The following NDRG2 variants were observed in gnomAD, a reference collection of about 807,000 sequenced individuals.
NDRG2 encodes protein NDRG2.
Under a neutral mutation model 58.2 loss-of-function variants are expected in NDRG2, and 34 were observed. The ratio of observed to expected loss-of-function variants is 0.58; its 90% CI spans 0.44 to 0.78. The LOEUF (loss-of-function observed/expected upper bound fraction) is 0.78. NDRG2 is among the 30% of genes least tolerant of loss of function. The pLI is 0.00. For missense variants in NDRG2, 434 were observed against 471.2 expected (o/e 0.92, Z 0.73); for synonymous variants, 187 against 175.9 (o/e 1.06, Z -0.50).
At chr14:21,021,092 A>C (rs1594401824) in intron 6 of NDRG2, 1 of 636,328 alleles carries the variant, frequency 1.6e-6, no homozygotes, top group Non-Finnish European at 2.9e-6. Flanking sequence ...AAAAACAAAC[A>C]CCCATCCACC....
chr14:21,053,453 C>G (rs1053502717), intron 1 of NDRG2, among the ~76,000 whole-genome samples: 1 of 152,046 alleles, frequency 6.6e-6, no homozygotes, highest in Non-Finnish European at 1.5e-5. Context: ...TGGTGAAACC[C>G]CAGCTCTACT....
chr14:21,046,234 T>C (rs79978002), intron 1 of NDRG2, among the ~76,000 whole-genome samples: 2,608 of 152,274 alleles, frequency 0.017, 65 homozygotes, highest in African/African-American at 0.057. Flanking sequence ...TGTAAATACA[T>C]TGGGCTCAGC....
chr14:21,023,557 A>G, intron 1 of NDRG2: 1 of 524,270 alleles, frequency 1.9e-6, no homozygotes, highest in East Asian at 3.2e-5. Flanking sequence ...CACCATCCCC[A>G]CTGCCACCCT....
chr14:21,067,485 T>C (rs1886331071), intron 1 of NDRG2, among the ~76,000 whole-genome samples: 1 of 152,190 alleles, frequency 6.6e-6, no homozygotes, highest in African/African-American at 2.4e-5. Flanking sequence ...GCCTCTGGCG[T>C]CAGACAGCCT....
In NDRG2 at chr14:21,070,143, G is replaced by A. The variant is rs1192404123; in HGVS notation, c.24+685C>T. On this transcript the variant is annotated intron_variant, in intron 1 of 14. Coordinates refer to the NDRG2 transcript ENST00000403829. This position sits in a 1 kb window ranked among gnomAD's most constrained non-coding sequence, Gnocchi z 4.7. ...CGGGGAACGGCAGAGATCTCGGCGC[G>A]GGAGACAGAGTCCCGGCAAGGGGTC... 3 of 218,454 alleles carry A rather than the reference G, an allele frequency of 1.4e-5. No homozygotes were observed. The highest frequency in any genetic ancestry group is 2.7e-5 in the Non-Finnish European group (3 of 112,866). 13.5% of individuals were successfully genotyped at this position (218,454 alleles called of 1,614,324 possible).
chr14:21,047,519 T>C (rs1354703709), intron 1 of NDRG2, among the ~76,000 whole-genome samples: 1 of 152,194 alleles, frequency 6.6e-6, no homozygotes, highest in Non-Finnish European at 1.5e-5. Context: ...AAAGCTGAGA[T>C]ACAAGAAGAT....
intron 1 of NDRG2, chr14:21,057,990 C>T (rs1885756738): frequency 1.9e-6 from 3 of 1,614,104 alleles, no homozygotes; most frequent in Non-Finnish European, 8.5e-7. Flanking sequence ...AAGGACATGA[C>T]ATCATCTCAG....
chr14:21,040,155 G>A (rs116477301), intron 1 of NDRG2, among the ~76,000 whole-genome samples: 85 of 152,286 alleles, frequency 5.6e-4, no homozygotes, highest in African/African-American at 1.9e-3. Flanking sequence ...AGTTCAGCCT[G>A]CAAAGTTTGG....
chr14:21,063,622 G>T (rs747213822), intron 1 of NDRG2, among the ~76,000 whole-genome samples: 1 of 152,164 alleles, frequency 6.6e-6, no homozygotes, highest in South Asian at 2.1e-4. Flanking sequence ...ATGACTTCAC[G>T]CTGTTGGAAT....
At chr14:21,033,015 T>C (rs1293158287) in intron 1 of NDRG2, 5 of 454,962 alleles carry the variant, frequency 1.1e-5, no homozygotes, top group Non-Finnish European at 2.2e-5. Context: ...GGGCAGACTC[T>C]GGAGTCTGGG....
chr14:21,042,814 T>C (rs1328042901), intron 1 of NDRG2: 5 of 605,752 alleles, frequency 8.3e-6, no homozygotes, highest in Non-Finnish European at 1.2e-5. Flanking sequence ...GGGGCTGCAG[T>C]GGATGTGGAC....
chr14:21,061,379 T>C (rs542955875), intron 1 of NDRG2, among the ~76,000 whole-genome samples: 109 of 152,288 alleles, frequency 7.2e-4, no homozygotes, highest in Non-Finnish European at 1.3e-3. Context: ...GGTAGCAACC[T>C]GGGTAGGAGT....
chr14:21,057,996 C>T, intron 1 of NDRG2: 1 of 1,614,120 alleles, frequency 6.2e-7, no homozygotes, highest in Non-Finnish European at 8.5e-7. Flanking sequence ...ATGACATCAT[C>T]TCAGTGGTTT....
intron 1 of NDRG2, among the ~76,000 whole-genome samples, chr14:21,039,752 C>G (rs1884806585): frequency 6.6e-6 from 1 of 152,186 alleles, no homozygotes; most frequent in African/African-American, 2.4e-5. Context: ...AAACTTAAAA[C>G]CTTACTCTCT....
chr14:21,031,584 C>T (rs984182660), intron 1 of NDRG2, among the ~76,000 whole-genome samples: 8 of 152,148 alleles, frequency 5.3e-5, no homozygotes, highest in Admixed American at 2.6e-4. Flanking sequence ...GATATTGAGT[C>T]GGGGAGTGGG....
At chr14:21,031,095 G>A (rs772932917) in intron 1 of NDRG2, 7 of 1,614,096 alleles carry the variant, frequency 4.3e-6, no homozygotes, top group Non-Finnish European at 5.9e-6. Flanking sequence ...AAAGGGAAGA[G>A]TCCAGATGAA....
At chr14:21,058,478 A>G in intron 1 of NDRG2, 3 of 686,226 alleles carry the variant, frequency 4.4e-6, no homozygotes, top group Non-Finnish European at 4.9e-6. Context: ...CACACACTCA[A>G]CCTCACATAC....
intron 1 of NDRG2, chr14:21,042,989 A>C: frequency 6.2e-7 from 1 of 1,610,890 alleles, no homozygotes; most frequent in Non-Finnish European, 8.5e-7. Flanking sequence ...TCCTCCTAAG[A>C]GAGATGGCAC....
intron 1 of NDRG2, among the ~76,000 whole-genome samples, chr14:21,057,415 G>C (rs918575389): frequency 6.6e-6 from 1 of 150,788 alleles, no homozygotes; most frequent in Non-Finnish European, 1.5e-5. Context: ...CAGCATGGGC[G>C]ACAAGAGCGA....
Sources: allele counts gnomAD v4.1 joint callset (sites outside exome capture counted in the v4.1 genomes callset), GRCh38; gene constraint gnomAD v4.1.1; non-coding constraint Gnocchi (gnomAD v3.1); transcripts MANE v1.5; gene names NCBI Gene and HGNC (gene_info 2026-07-23, HGNC 2026-07-21).